PHYHIPL: variants seen among roughly 807,000 people sequenced by gnomAD.
PHYHIPL encodes the protein phytanoyl-CoA 2-hydroxylase interacting protein like, also known as phytanoyl-CoA hydroxylase-interacting protein-like.
Under a neutral mutation model 33.4 loss-of-function variants are expected in PHYHIPL, and 9 were observed. The observed-to-expected ratio is 0.27, with a 90% CI of 0.16 to 0.47. The LOEUF is 0.47. Among genes scored for constraint, PHYHIPL ranks in the 20% least tolerant of loss-of-function variants. The pLI is 0.99. For missense variants in PHYHIPL, 365 were observed against 460.7 expected, an observed-to-expected ratio of 0.79 and a Z score of 1.90; for synonymous variants, 153 against 154.1, an observed-to-expected ratio of 0.99 and a Z score of 0.05.
chr10:59,190,869 GC>G (rs1269696634), intron 1 of PHYHIPL, among the ~76,000 whole-genome samples: 1 of 151,694 alleles, frequency 6.6e-6, no homozygotes, highest in African/African-American at 2.4e-5. Context: ...CTTACAATTA[GC>G]TCAGAAAAAA....
intron 4 of PHYHIPL, among the ~76,000 whole-genome samples, chr10:59,239,007 T>C (rs1487159085): frequency 1.3e-5 from 2 of 152,016 alleles, no homozygotes; most frequent in Non-Finnish European, 2.9e-5. Context: ...TCCTGCTGTC[T>C]GCATCATACT....
At chr10:59,191,229 T>C (rs1838775787) in intron 1 of PHYHIPL, among the ~76,000 whole-genome samples, 2 of 151,968 alleles carry the variant, frequency 1.3e-5, no homozygotes, top group South Asian at 2.1e-4. Flanking sequence ...TTGAGTTAAA[T>C]TGGAAAGATC....
At chr10:59,229,596 G>C (rs1840020237) in intron 1 of PHYHIPL, among the ~76,000 whole-genome samples, 2 of 152,108 alleles carry the variant, frequency 1.3e-5, no homozygotes. Context: ...GATGATTCGT[G>C]AATCGGGCAG....
intron 1 of PHYHIPL, among the ~76,000 whole-genome samples, chr10:59,180,538 C>A (rs1001033977): frequency 7.3e-5 from 11 of 151,516 alleles, no homozygotes; most frequent in African/African-American, 2.7e-4. Context: ...ATGAGTCCGG[C>A]ACTTTATGAC....
At chr10:59,223,990 A>G (rs1489734613) in intron 1 of PHYHIPL, among the ~76,000 whole-genome samples, 2 of 152,180 alleles carry the variant, frequency 1.3e-5, no homozygotes, top group Non-Finnish European at 2.9e-5. Flanking sequence ...TAAATAAGCT[A>G]AGGCTCAGAG....
chr10:59,244,562 CAAAAAAA>C (rs71006239), intron 4 of PHYHIPL, among the ~76,000 whole-genome samples: 2,718 of 39,610 alleles, frequency 0.069, 116 homozygotes, highest in South Asian at 0.26. Flanking sequence ...GACTCTGTCT[CAAAAAAA>C]AAAAAAAAAA....
intron 1 of PHYHIPL, among the ~76,000 whole-genome samples, chr10:59,221,343 C>T (rs1033757375): frequency 4.0e-5 from 6 of 151,886 alleles, no homozygotes; most frequent in African/African-American, 1.4e-4. Context: ...ATTGCCATTG[C>T]TGTTTTGGCT....
chr10:59,231,356 A>G (rs1840074225), intron 1 of PHYHIPL, among the ~76,000 whole-genome samples: 1 of 152,096 alleles, frequency 6.6e-6, no homozygotes, highest in African/African-American at 2.4e-5. Context: ...AAAGAGAGAT[A>G]CCTAAAACGT....
intron 1 of PHYHIPL, among the ~76,000 whole-genome samples, chr10:59,228,208 C>T (rs1355220772): frequency 6.6e-6 from 1 of 151,874 alleles, no homozygotes; most frequent in Non-Finnish European, 1.5e-5. Flanking sequence ...AAATGGATGA[C>T]TGATTAATAG....
chr10:59,180,153 A>T (rs1838363235), intron 1 of PHYHIPL, among the ~76,000 whole-genome samples: 1 of 151,018 alleles, frequency 6.6e-6, no homozygotes, highest in East Asian at 2.0e-4. Context: ...TTACAGTTTG[A>T]TAGATACTTC....
intron 1 of PHYHIPL, among the ~76,000 whole-genome samples, chr10:59,193,426 T>G (rs1006088645): frequency 1.3e-5 from 2 of 152,126 alleles, no homozygotes; most frequent in Admixed American, 6.6e-5. Flanking sequence ...ATAAATGAAC[T>G]GGTGGAACTC....
chr10:59,202,922 G>A (rs1327072025), intron 1 of PHYHIPL, among the ~76,000 whole-genome samples: 1 of 152,056 alleles, frequency 6.6e-6, no homozygotes, highest in African/African-American at 2.4e-5. Flanking sequence ...AACCTACTAT[G>A]TAGACATAAT....
intron 1 of PHYHIPL, among the ~76,000 whole-genome samples, chr10:59,198,379 G>A (rs559152925): frequency 7.2e-5 from 11 of 152,234 alleles, no homozygotes; most frequent in African/African-American, 2.2e-4. Context: ...CAAAGGACAT[G>A]AACTCATCAT....
rs186269194 is a variant in PHYHIPL at position 59,225,449 on chromosome 10, G to A, written c.107-8855G>A. On this transcript the variant is annotated intron_variant, in intron 1 of 4. Coordinates refer to ENST00000373880, the MANE Select transcript of PHYHIPL (RefSeq NM_032439.4). ...ATTATTGAAAGCAGATATGCTAGGGGCCACAGAAAGTGAAGCTTTATCTCC... is the reference window on the plus strand; with the variant it reads ...ATTATTGAAAGCAGATATGCTAGGGACCACAGAAAGTGAAGCTTTATCTCC... Among the ~76,000 whole-genome samples, 46 of 152,128 alleles carry A rather than the reference G, an allele frequency of 3.0e-4. No homozygotes were observed. In the East Asian group the frequency reaches 6.2e-3, roughly 21 times the overall value.
intron 1 of PHYHIPL, among the ~76,000 whole-genome samples, chr10:59,178,691 G>T (rs1301699557): frequency 1.3e-5 from 2 of 152,100 alleles, no homozygotes; most frequent in Non-Finnish European, 2.9e-5. Context: ...CATTTACCAC[G>T]TGTTTCAAAG....
upstream of PHYHIPL, among the ~76,000 whole-genome samples, chr10:59,173,748 A>C (rs540427514): frequency 4.6e-5 from 7 of 152,176 alleles, no homozygotes; most frequent in East Asian, 9.7e-4. Flanking sequence ...AAGCAGAAGA[A>C]AAATTAGAGT....
chr10:59,178,229 T>C (rs980457128), intron 1 of PHYHIPL, among the ~76,000 whole-genome samples: 3 of 151,990 alleles, frequency 2.0e-5, no homozygotes, highest in Admixed American at 6.6e-5. Context: ...ATTCAAACTT[T>C]TTGAAACCAA....
At chr10:59,183,418 G>A (rs972493207) in intron 1 of PHYHIPL, among the ~76,000 whole-genome samples, 6 of 152,128 alleles carry the variant, frequency 3.9e-5, no homozygotes, top group Admixed American at 3.9e-4. Flanking sequence ...CTTGTGTTCT[G>A]GGGAAAAGAG....
intron 1 of PHYHIPL, among the ~76,000 whole-genome samples, chr10:59,187,664 A>C (rs1838651395): frequency 6.6e-6 from 1 of 152,050 alleles, no homozygotes; most frequent in African/African-American, 2.4e-5. Context: ...GTCTATTCAG[A>C]GATTCAACTT....
Sources: gnomAD v4.1 joint callset for allele counts (sites outside exome capture counted in the v4.1 genomes callset) on GRCh38, gnomAD v4.1.1 for gene constraint, MANE v1.5 for transcripts, NCBI Gene and HGNC (gene_info 2026-07-23, HGNC 2026-07-21) for gene names.